PKIB: variants seen among roughly 807,000 people sequenced by gnomAD.
PKIB encodes the protein cAMP-dependent protein kinase inhibitor beta.
A neutral mutation model predicts 4.5 loss-of-function variants in PKIB; 2 were observed. The observed-to-expected ratio is 0.44, with a 90% CI of 0.18 to 1.39. PKIB has a LOEUF of 1.39. Among genes scored for constraint, PKIB ranks in the 40% most tolerant of loss-of-function variants. The probability of loss-of-function intolerance (pLI) is 0.27; values close to 1 mark genes in which losing one functional copy is unlikely to be tolerated. For synonymous variants in PKIB, 38 were observed against 36.0 expected (o/e 1.06, Z -0.20); for missense variants, 94 against 92.6 (o/e 1.02, Z -0.06).
At chr6:122,557,399 G>A (rs548285051) in intron 2 of PKIB, among the ~76,000 whole-genome samples, 1 of 152,272 alleles carries the variant, frequency 6.6e-6, no homozygotes, top group African/African-American at 2.4e-5. Context: ...TGCTTTATAT[G>A]ACCAGGAGAG....
rs1363054349 is a variant in PKIB, at chr6:122,525,700, T to C, written c.-248+47761T>C. Among the ~76,000 whole-genome samples the C allele has an allele frequency of 3.3e-5, 5 of 152,228 alleles. No individual in the cohort carries two copies. In the East Asian group the frequency reaches 9.6e-4, roughly 29 times the overall value. ...TGGCTAAAAAATGCTGATGATTATC[T>C]GAGCCTTTAGTGATTTATAATATTT... On this transcript the variant is annotated intron_variant, in intron 2 of 6. Coordinates refer to the PKIB transcript ENST00000392491.
At chr6:122,501,398 G>T (rs557502869) in intron 2 of PKIB, among the ~76,000 whole-genome samples, 1 of 152,162 alleles carries the variant, frequency 6.6e-6, no homozygotes, top group Non-Finnish European at 1.5e-5. Context: ...CCACTGCAGC[G>T]GACTTCTACC....
upstream of PKIB, among the ~76,000 whole-genome samples, chr6:122,607,085 A>T (rs9388102): frequency 0.097 from 14,649 of 150,290 alleles, 847 homozygotes; most frequent in East Asian, 0.18. Context: ...GTAAAAAAAA[A>T]AATAATAATA....
intron 2 of PKIB, among the ~76,000 whole-genome samples, chr6:122,578,831 A>G (rs1466693960): frequency 6.6e-6 from 1 of 152,178 alleles, no homozygotes; most frequent in Non-Finnish European, 1.5e-5. Flanking sequence ...TCATGGGGTC[A>G]GTTACCCTCA....
At chr6:122,593,892 C>T (rs980532316) in intron 3 of PKIB, among the ~76,000 whole-genome samples, 1 of 152,156 alleles carries the variant, frequency 6.6e-6, no homozygotes, top group Non-Finnish European at 1.5e-5. Context: ...CTTTTGGCAA[C>T]ACCCTCACAG....
intron 2 of PKIB, among the ~76,000 whole-genome samples, chr6:122,558,177 TACAC>T (rs1772903864): frequency 6.6e-6 from 1 of 152,192 alleles, no homozygotes; most frequent in Non-Finnish European, 1.5e-5. Context: ...TGAATTTAGA[TACAC>T]ACACAATGTT....
At position 122,584,065 on chromosome 6, in the gene PKIB, G is replaced by T. The variant is rs141629679; in HGVS notation, c.-247-1856G>T. Among the ~76,000 whole-genome samples the T allele has an allele frequency of 9.0e-3, 1,368 of 152,166 alleles. 14 individuals carry two copies. Among genetic ancestry groups the T allele is most frequent in the Non-Finnish European group, 0.014 (941 of 67,980 alleles). On this transcript the variant is annotated intron_variant, in intron 2 of 6. Transcript: ENST00000392491. ...AATTGATTTAATTTTACCCGTGAGAGATTACACATCATTAAGGATTGTGAG... is the reference window on the plus strand; with the variant it reads ...AATTGATTTAATTTTACCCGTGAGATATTACACATCATTAAGGATTGTGAG...
intron 3 of PKIB, among the ~76,000 whole-genome samples, chr6:122,602,579 C>CA (rs900535702): frequency 5.3e-5 from 8 of 151,670 alleles, no homozygotes; most frequent in East Asian, 3.9e-4. Context: ...TAATTCCTTA[C>CA]AAAAAAAGAC....
At chr6:122,645,351 G>A (rs1776269213) in intron 2 of PKIB, among the ~76,000 whole-genome samples, 1 of 152,186 alleles carries the variant, frequency 6.6e-6, no homozygotes, top group Admixed American at 6.5e-5. Context: ...TGTGAAAGAG[G>A]CCATTGGAAT....
At chr6:122,480,480 A>T (rs1300323055) in intron 2 of PKIB, 1 of 152,208 alleles carries the variant, frequency 6.6e-6, no homozygotes, top group Non-Finnish European at 1.5e-5. Flanking sequence ...AATGTTAGTA[A>T]TGATAAAGAA....
chr6:122,516,327 G>C (rs1776752067), intron 2 of PKIB, among the ~76,000 whole-genome samples: 1 of 152,058 alleles, frequency 6.6e-6, no homozygotes, highest in Admixed American at 6.5e-5. Context: ...ACTGGTTTTT[G>C]CTTTAATATA....
intron 3 of PKIB, among the ~76,000 whole-genome samples, chr6:122,597,421 A>G (rs1774212556): frequency 6.6e-6 from 1 of 152,244 alleles, no homozygotes; most frequent in African/African-American, 2.4e-5. Context: ...CAATGGCTGC[A>G]TACAAGGTAC....
chr6:122,638,895 TAA>T (rs1443851147), intron 2 of PKIB, among the ~76,000 whole-genome samples: 1 of 152,064 alleles, frequency 6.6e-6, no homozygotes, highest in South Asian at 2.1e-4. Context: ...TGCCTGAAAC[TAA>T]AAAAAGACTA....
At chr6:122,667,611 G>A (rs1207252073) in intron 2 of PKIB, among the ~76,000 whole-genome samples, 1 of 152,170 alleles carries the variant, frequency 6.6e-6, no homozygotes, top group Admixed American at 6.5e-5. Flanking sequence ...GAACTTTTTT[G>A]TTGGTGTTTG....
intron 2 of PKIB, among the ~76,000 whole-genome samples, chr6:122,559,352 G>C (rs778299047): frequency 2.6e-5 from 4 of 151,646 alleles, no homozygotes; most frequent in Non-Finnish European, 5.9e-5. Flanking sequence ...AGAACAGTTG[G>C]CTGTATTTGG....
intron 2 of PKIB, among the ~76,000 whole-genome samples, chr6:122,491,325 C>A (rs535336930): frequency 6.6e-6 from 1 of 152,284 alleles, no homozygotes; most frequent in African/African-American, 2.4e-5. Flanking sequence ...AGGTCATATA[C>A]CAGTTAAACT....
In PKIB at chr6:122,702,196, G is replaced by A. The variant is rs181907448; in HGVS notation, c.-8-15591G>A. Among the ~76,000 whole-genome samples, 87 of 151,964 alleles carry A rather than the reference G, an allele frequency of 5.7e-4. No homozygotes were observed. The East Asian group carries it at 0.016, about 27-fold the overall frequency. ...TCCAACTGTGTAGTCTATGTAATCCGAACAAAAGTCATGCTGAGAATATAA... is the reference window on the plus strand; with the variant it reads ...TCCAACTGTGTAGTCTATGTAATCCAAACAAAAGTCATGCTGAGAATATAA... On this transcript the variant is annotated intron_variant, in intron 3 of 4. Coordinates refer to ENST00000368452, the MANE Select transcript of PKIB (RefSeq NM_181795.3).
chr6:122,675,923 G>T (rs1777655232), intron 3 of PKIB, among the ~76,000 whole-genome samples: 1 of 152,028 alleles, frequency 6.6e-6, no homozygotes, highest in Non-Finnish European at 1.5e-5. Context: ...AGCAGTCCCT[G>T]ACCATTTTTG....
intron 2 of PKIB, among the ~76,000 whole-genome samples, chr6:122,562,009 T>G (rs915338093): frequency 3.5e-5 from 5 of 144,880 alleles, no homozygotes; most frequent in African/African-American, 1.3e-4. Flanking sequence ...TTTTTGTTTT[T>G]TTTTTTTTTT....
Sources: gnomAD v4.1 joint callset for allele counts (sites outside exome capture counted in the v4.1 genomes callset) on GRCh38, gnomAD v4.1.1 for gene constraint, MANE v1.5 for transcripts, NCBI Gene and HGNC (gene_info 2026-07-23, HGNC 2026-07-21) for gene names.